Variants in RELN observed in about 807,000 individuals in gnomAD.
RELN encodes reelin.
Under a neutral mutation model 427.6 loss-of-function variants are expected in RELN, and 108 were observed. The observed-to-expected ratio is 0.25, with a 90% CI of 0.22 to 0.30. The LOEUF (loss-of-function observed/expected upper bound fraction) is 0.30. RELN is among the 10% of genes least tolerant of loss of function. The pLI is 1.00. For synonymous variants in RELN, 1,524 were observed against 1,513.4 expected, an observed-to-expected ratio of 1.01 and a Z score of -0.16; for missense variants, 3,715 against 4,302.8, an observed-to-expected ratio of 0.86 and a Z score of 3.82.
intron 8 of RELN, among the ~76,000 whole-genome samples, chr7:103,703,647 A>G (rs1834139443): frequency 6.6e-6 from 1 of 152,166 alleles, no homozygotes; most frequent in Admixed American, 6.5e-5. Context: ...TAAAACCAGA[A>G]AGGAAGGACA....
Position 103,640,548 on chromosome 7 carries a change from A to G in RELN, c.2064T>C (p.Gly688=), listed in dbSNP as rs752189818. Residue 688 remains glycine (G), a synonymous_variant, in exon 17 of 65, where the codon GGT becomes GGC. Coordinates refer to ENST00000428762, the MANE Select transcript of RELN (RefSeq NM_005045.4). This position sits in a 1 kb window ranked among gnomAD's most constrained non-coding sequence, Gnocchi z 4.1. ...TGTTATTTTAAGATGCTTACTTGCA[A>G]CCATGTCTAGTGCACTGTCCTCTGC... ...CSGRGQCTRH[G]CKCDPGFSGP... 6.2e-7 allele frequency: 1 copy of G among 1,613,892 alleles called. No individual in the cohort carries two copies. The highest frequency in any genetic ancestry group is 1.1e-5 in the South Asian group (1 of 91,080).
At chr7:103,836,517 G>C (rs941153278) in intron 2 of RELN, among the ~76,000 whole-genome samples, 1 of 152,122 alleles carries the variant, frequency 6.6e-6, no homozygotes, top group African/African-American at 2.4e-5. Flanking sequence ...TTAAGACTCT[G>C]AATTTGCCTC....
chr7:103,664,175 C>G (rs1282382919), intron 11 of RELN, among the ~76,000 whole-genome samples: 1 of 152,188 alleles, frequency 6.6e-6, no homozygotes. Flanking sequence ...TTGGCTATAA[C>G]AGAAGTCATA....
chr7:103,564,470 T>C (rs767774659), intron 34 of RELN, among the ~76,000 whole-genome samples: 14 of 152,174 alleles, frequency 9.2e-5, no homozygotes, highest in Non-Finnish European at 1.9e-4. Flanking sequence ...GTGTTGTTGC[T>C]GGTGCCCAGG....
Position 103,553,450 on chromosome 7 carries a change from A to C in RELN, c.6072+11T>G. On this transcript the variant is annotated intron_variant, in intron 40 of 64. Coordinates refer to ENST00000428762, the MANE Select transcript of RELN (RefSeq NM_005045.4). ...AATTTAAAGCATTTATTATAGAACAAAGTCAAGTACCTCAAATTGTATGAT... is the reference window on the plus strand; with the variant it reads ...AATTTAAAGCATTTATTATAGAACACAGTCAAGTACCTCAAATTGTATGAT... 6.3e-7 allele frequency: 1 copy of C among 1,595,942 alleles called. No homozygotes were observed. Among genetic ancestry groups the C allele is most frequent in the East Asian group, 2.2e-5 (1 of 44,756 alleles).
intron 20 of RELN, among the ~76,000 whole-genome samples, chr7:103,614,913 G>A (rs535659488): frequency 7.3e-4 from 111 of 152,114 alleles, no homozygotes; most frequent in Non-Finnish European, 1.3e-3. Context: ...CAGTGATACT[G>A]GGTCTGTTTT....
chr7:103,640,850 T>C lies in RELN; in HGVS notation c.2003-241A>G, dbSNP rs1177835560. Among the ~76,000 whole-genome samples the C allele has an allele frequency of 4.6e-5, 7 of 152,188 alleles. No individual in the cohort carries two copies. Among genetic ancestry groups the C allele is most frequent in the African/African-American group, 1.7e-4 (7 of 41,460 alleles). ...ATTTCATATCAAAGAAGATAGGAGC[T>C]TATGATTTGAATTCTTAATAGAGTC... is the stretch of plus-strand genomic sequence containing the variant. On this transcript the variant is annotated intron_variant, in intron 16 of 64. Coordinates refer to ENST00000428762, the MANE Select transcript of RELN (RefSeq NM_005045.4). The surrounding 1 kb of genome is among the most constrained non-coding windows in gnomAD (Gnocchi z 4.1).
Position 103,652,710 on chromosome 7 carries a change from G to T in RELN, c.1604C>A (p.Ala535Asp). Residue 535 changes from alanine to aspartate, a missense_variant, in exon 14 of 65, where the codon GCT becomes GAT. By Grantham distance (126) the Ala-to-Asp change is moderately radical. Coordinates refer to ENST00000428762, the MANE Select transcript of RELN (RefSeq NM_005045.4). ...VVINPELQTP[A>D]TKFCLRQKNH... ...CTTTTGCCTGAGACAAAATTTGGTA[G>T]CAGGAGTCTGAAGTTCAGGATTGAT... 1 of 1,612,866 alleles carries T rather than the reference G, an allele frequency of 6.2e-7. No individual in the cohort carries two copies. The highest frequency in any genetic ancestry group is 8.5e-7 in the Non-Finnish European group (1 of 1,179,224).
chr7:103,652,480 A>G lies in RELN; in HGVS notation c.1763+71T>C, dbSNP rs2072405. On this transcript the variant is annotated intron_variant, in intron 14 of 64. Transcript: ENST00000428762. ...CCAGTTAAAACTCTACCTAGAAACTACCTCTTATTTAATAGCCAAATCTGC... is the reference window on the plus strand; with the variant it reads ...CCAGTTAAAACTCTACCTAGAAACTGCCTCTTATTTAATAGCCAAATCTGC... 1,553 of 1,195,330 alleles carry G rather than the reference A, an allele frequency of 1.3e-3. 24 individuals are homozygous for G. The East Asian group carries it at 0.031, about 24-fold the overall frequency. The allele number at this position is 1,195,330 out of a possible 1,614,324, so 74.0% of individuals were successfully genotyped here.
At chr7:103,724,332 C>T (rs1347555945) in intron 7 of RELN, among the ~76,000 whole-genome samples, 1 of 152,114 alleles carries the variant, frequency 6.6e-6, no homozygotes, top group Non-Finnish European at 1.5e-5. Context: ...CTATACAATT[C>T]ATGAAGAGCT....
chr7:103,976,224 T>C (rs1001380284), intron 1 of RELN, among the ~76,000 whole-genome samples: 3 of 152,210 alleles, frequency 2.0e-5, no homozygotes, highest in African/African-American at 7.2e-5. Flanking sequence ...TTGTTACTTT[T>C]GTTGGTAAAA....
chr7:103,684,199 A>T (rs910998027), intron 10 of RELN, among the ~76,000 whole-genome samples: 2 of 152,130 alleles, frequency 1.3e-5, no homozygotes, highest in Non-Finnish European at 2.9e-5. Flanking sequence ...TAGCCAGCGT[A>T]GGGGGCCATA....
chr7:103,551,662 C>G (rs868109779), intron 40 of RELN, among the ~76,000 whole-genome samples: 1 of 152,098 alleles, frequency 6.6e-6, no homozygotes, highest in South Asian at 2.1e-4. Context: ...AGCTTCCCCC[C>G]CATCTAGGTA....
chr7:103,483,087 G>T, intron 62 of RELN, 116 bp from the exon 63 acceptor site: 1 of 824,292 alleles, frequency 1.2e-6, no homozygotes, highest in Non-Finnish European at 2.0e-6. Context: ...AAAATGTTAT[G>T]CATGGAATTC....
At chr7:103,866,451 C>T (rs1794199432) in intron 2 of RELN, among the ~76,000 whole-genome samples, 1 of 152,002 alleles carries the variant, frequency 6.6e-6, no homozygotes, top group South Asian at 2.1e-4. Flanking sequence ...GCTTTGGTAA[C>T]CCAATTTTTT....
At chr7:103,661,608 A>G in intron 11 of RELN, 81 bp from the exon 12 acceptor site, 1 of 1,225,448 alleles carries the variant, frequency 8.2e-7, no homozygotes, top group East Asian at 2.5e-5. Flanking sequence ...GTTTTTAGTG[A>G]GGGACACTTA....
chr7:103,902,027 A>G (rs1795093925), intron 2 of RELN, among the ~76,000 whole-genome samples: 1 of 152,072 alleles, frequency 6.6e-6, no homozygotes, highest in South Asian at 2.1e-4. Flanking sequence ...TGTTTGCAAC[A>G]GCACAGTGTG....
intron 49 of RELN, among the ~76,000 whole-genome samples, chr7:103,516,083 C>G (rs890582501): frequency 6.6e-6 from 1 of 152,098 alleles, no homozygotes; most frequent in African/African-American, 2.4e-5. Flanking sequence ...CTGTCTCACT[C>G]ACCAGGGACA....
intron 2 of RELN, among the ~76,000 whole-genome samples, chr7:103,899,528 A>G (rs914026050): frequency 2.0e-4 from 31 of 152,182 alleles, no homozygotes; most frequent in Non-Finnish European, 2.6e-4. Flanking sequence ...ATGAACATCA[A>G]TGCGAAAATC....
Sources: allele counts gnomAD v4.1 joint callset (sites outside exome capture counted in the v4.1 genomes callset), GRCh38; gene constraint gnomAD v4.1.1; non-coding constraint Gnocchi (gnomAD v3.1); transcripts MANE v1.5; gene names NCBI Gene and HGNC (gene_info 2026-07-23, HGNC 2026-07-21).